Variants in CALN1 observed in about 807,000 individuals in gnomAD.
CALN1 encodes calneuron 1, also known as calcium-binding protein 8.
Under a neutral mutation model 30.6 loss-of-function variants are expected in CALN1, and 17 were observed. That is an observed-to-expected ratio of 0.56 (90% confidence interval 0.38 to 0.83). The LOEUF (loss-of-function observed/expected upper bound fraction) is 0.83. CALN1 is among the 40% of genes least tolerant of loss of function. CALN1 has a pLI of 0.00. For missense variants in CALN1, 291 were observed against 354.9 expected, an observed-to-expected ratio of 0.82 and a Z score of 1.45; for synonymous variants, 156 against 131.4, an observed-to-expected ratio of 1.19 and a Z score of -1.28.
At chr7:72,304,589 T>TG (rs373689253) in intron 2 of CALN1, among the ~76,000 whole-genome samples, 127 of 151,996 alleles carry the variant, frequency 8.4e-4, no homozygotes, top group South Asian at 7.5e-3. Flanking sequence ...GCCTCTGACA[T>TG]GGGGGGGGTA....
Position 71,940,309 on chromosome 7 carries a change from G to A in CALN1, c.501+83348C>T, listed in dbSNP as rs115552131. 5.4e-3 allele frequency among the ~76,000 whole-genome samples: 823 copies of A among 152,262 alleles called. 5 individuals are homozygous for A. Among genetic ancestry groups the A allele is most frequent in the African/African-American group, 0.019 (790 of 41,538 alleles). ...GAAATTTCATGCAATCTGTTCTTCT[G>A]GGATGGAGCCCTTCAAGTTCAGGCT... On this transcript the variant is annotated intron_variant, in intron 5 of 6. Transcript: ENST00000395275.
In CALN1 at chr7:72,121,207, C is replaced by T. The variant is rs556446095; in HGVS notation, c.245-14913G>A. On this transcript the variant is annotated intron_variant, in intron 3 of 6. Transcript: ENST00000395275. ...ATTATGTATTATATTATATATAATT[C>T]CATATTATGTATTATATAACTATAT... is the stretch of plus-strand genomic sequence containing the variant. 6.5e-5 allele frequency among the ~76,000 whole-genome samples: 9 copies of T among 137,642 alleles called. No homozygotes were observed. In the East Asian group the frequency reaches 1.6e-3, roughly 25 times the overall value. The allele number at this position is 137,642 out of a possible 152,430, so 90.3% of individuals were successfully genotyped here.
chr7:72,053,837 G>T, intron 4 of CALN1, among the ~76,000 whole-genome samples: 2 of 132,562 alleles, frequency 1.5e-5, no homozygotes, highest in South Asian at 4.9e-4. Flanking sequence ...TCATTCTTAT[G>T]CCATCGCGTC....
intron 2 of CALN1, among the ~76,000 whole-genome samples, chr7:72,374,386 G>A (rs549082820): frequency 1.3e-5 from 2 of 152,002 alleles, no homozygotes; most frequent in South Asian, 2.1e-4. Context: ...AAAGTTAACC[G>A]GGTGTGGTGG....
chr7:71,905,179 T>G (rs1013671673), intron 5 of CALN1, among the ~76,000 whole-genome samples: 10 of 152,168 alleles, frequency 6.6e-5, no homozygotes, highest in African/African-American at 2.4e-4. Context: ...CTTTGGGTGA[T>G]CCGCCTGCCT....
intron 4 of CALN1, among the ~76,000 whole-genome samples, chr7:72,036,756 T>C (rs1197683933): frequency 1.3e-5 from 2 of 152,190 alleles, no homozygotes; most frequent in African/African-American, 4.8e-5. Context: ...TTCTTTATTC[T>C]TTGTGTATTC....
chr7:71,809,490 A>AAAAG, intron 6 of CALN1, among the ~76,000 whole-genome samples: 2 of 151,406 alleles, frequency 1.3e-5, no homozygotes, highest in African/African-American at 4.9e-5. Flanking sequence ...AAAAGAAAAG[A>AAAAG]AAAAAAATTT....
intron 3 of CALN1, among the ~76,000 whole-genome samples, chr7:72,112,424 G>C (rs1807646686): frequency 6.6e-6 from 1 of 152,158 alleles, no homozygotes; most frequent in African/African-American, 2.4e-5. Flanking sequence ...TAAAGTGATG[G>C]CTTTATTAAC....
At chr7:72,088,084 C>T (rs144384707) in intron 4 of CALN1, among the ~76,000 whole-genome samples, 9 of 152,250 alleles carry the variant, frequency 5.9e-5, no homozygotes, top group Middle Eastern at 3.4e-3. Flanking sequence ...AGGAAGATCG[C>T]TTGAGCCCAG....
the CALN1 span, among the ~76,000 whole-genome samples, chr7:72,465,873 C>A: frequency 6.6e-6 from 1 of 152,170 alleles, no homozygotes; most frequent in Non-Finnish European, 1.5e-5. Context: ...TCCAGGTCTC[C>A]CCTGACTCTG....
chr7:72,231,098 T>C (rs1794066888), intron 3 of CALN1, among the ~76,000 whole-genome samples: 3 of 151,972 alleles, frequency 2.0e-5, no homozygotes. Flanking sequence ...AGCTATCAGA[T>C]CAACTGTTGC....
intron 2 of CALN1, among the ~76,000 whole-genome samples, chr7:72,392,291 C>T (rs1805625080): frequency 6.6e-6 from 1 of 152,236 alleles, no homozygotes; most frequent in Admixed American, 6.5e-5. Context: ...CAAGCTGTCT[C>T]TACTGAATTC....
intron 2 of CALN1, among the ~76,000 whole-genome samples, chr7:72,313,118 A>G (rs1800173395): frequency 6.6e-6 from 1 of 152,172 alleles, no homozygotes; most frequent in African/African-American, 2.4e-5. Flanking sequence ...TACAGGTATG[A>G]GCCACTGCAC....
rs574411822 is a variant in CALN1, at chr7:72,194,229, T to C, written c.244+84457A>G. 2.6e-5 allele frequency among the ~76,000 whole-genome samples: 4 copies of C among 152,342 alleles called. No homozygotes were observed. The East Asian group carries it at 5.8e-4, about 22-fold the overall frequency. On this transcript the variant is annotated intron_variant, in intron 3 of 6. Transcript: ENST00000395275. ...TTTGACTGGGTAGATGGCTATGCCA[T>C]TAACCAAGGCTAAAACTCAGTGCAG...
chr7:72,035,037 T>C (rs536460696), intron 4 of CALN1, among the ~76,000 whole-genome samples: 1 of 152,294 alleles, frequency 6.6e-6, no homozygotes, highest in African/African-American at 2.4e-5. Context: ...ATTTATTCAT[T>C]GGCACGTCTG....
chr7:72,497,013 G>A, the CALN1 span, among the ~76,000 whole-genome samples: 8 of 152,284 alleles, frequency 5.3e-5, no homozygotes, highest in South Asian at 4.1e-4. Flanking sequence ...ATGTAAGTAC[G>A]CTCTCAAATC....
chr7:71,796,398 C>T (rs1261301731), intron 6 of CALN1, among the ~76,000 whole-genome samples: 8 of 139,248 alleles, frequency 5.7e-5, no homozygotes, highest in South Asian at 4.5e-4. Flanking sequence ...CTCACACTGT[C>T]GCCCGGGCTG....
intron 2 of CALN1, among the ~76,000 whole-genome samples, chr7:72,347,542 A>G (rs1386710197): frequency 6.6e-6 from 1 of 152,110 alleles, no homozygotes. Flanking sequence ...CTGGGGTTAC[A>G]GGGGTGAGCC....
At chr7:72,209,258 C>T (rs1260911266) in intron 3 of CALN1, among the ~76,000 whole-genome samples, 4 of 109,526 alleles carry the variant, frequency 3.7e-5, no homozygotes, top group African/African-American at 1.5e-4. Context: ...CCCTCCTTCC[C>T]TCTTTCCTTC....
Sources: gnomAD v4.1 joint callset for allele counts (sites outside exome capture counted in the v4.1 genomes callset) on GRCh38, gnomAD v4.1.1 for gene constraint, MANE v1.5 for transcripts, NCBI Gene and HGNC (gene_info 2026-07-23, HGNC 2026-07-21) for gene names.